The following SMARCA2 variants were observed in gnomAD, a reference collection of about 807,000 sequenced individuals.
The protein encoded by SMARCA2 is SWI/SNF related BAF chromatin remodeling complex subunit ATPase 2.
In SMARCA2, 61 loss-of-function variants were observed where a neutral mutation model predicts 199.8. That is an observed-to-expected ratio of 0.31 (90% CI 0.25 to 0.38). SMARCA2 has a LOEUF of 0.38. Among genes scored for constraint, SMARCA2 ranks in the 10% least tolerant of loss-of-function variants. The probability of loss-of-function intolerance (pLI) is 1.00; values close to 1 mark genes in which losing one functional copy is unlikely to be tolerated. For missense variants in SMARCA2, 1,344 were observed against 2,012.2 expected (o/e 0.67, Z 6.35); for synonymous variants, 935 against 732.0 (o/e 1.28, Z -4.48).
chr9:2,160,374 T>C (rs1229309118), intron 27 of SMARCA2: 1 of 533,320 alleles, frequency 1.9e-6, no homozygotes, highest in African/African-American at 1.9e-5. Flanking sequence ...TGCATGTTGC[T>C]TCTATGGATT....
chr9:2,088,736 A>G, intron 19 of SMARCA2, 123 bp downstream of exon 19: 1 of 691,952 alleles, frequency 1.4e-6, no homozygotes. Flanking sequence ...AGTATCTTGA[A>G]AATATCTTAA....
rs76219559 is a variant in SMARCA2 at position 2,104,481 on chromosome 9, A to T, written c.3292+312A>T. On this transcript the variant is annotated intron_variant, in intron 23 of 33. Transcript: ENST00000349721. This position sits in a 1 kb window ranked among gnomAD's most constrained non-coding sequence, Gnocchi z 4.0. ...TTCCTTGCTCTTAAAATTGTTACCT[A>T]TGTGCCAAAGATATAGAATACATTG... Among the ~76,000 whole-genome samples, 2 of 152,252 alleles carry T rather than the reference A, an allele frequency of 1.3e-5. No homozygotes were observed. The highest frequency in any genetic ancestry group is 4.8e-5 in the African/African-American group (2 of 41,474).
At chr9:2,028,053 A>G (rs145064635) in intron 1 of SMARCA2, among the ~76,000 whole-genome samples, 3 of 152,304 alleles carry the variant, frequency 2.0e-5, no homozygotes, top group Admixed American at 6.5e-5. Flanking sequence ...TGGGTGGTGG[A>G]ATATAGTTCT....
At chr9:2,109,689 C>T (rs1822907439) in intron 23 of SMARCA2, among the ~76,000 whole-genome samples, 1 of 151,532 alleles carries the variant, frequency 6.6e-6, no homozygotes. Context: ...AAAATTATTC[C>T]ATTTGCAAAA....
intron 23 of SMARCA2, among the ~76,000 whole-genome samples, chr9:2,105,487 C>G (rs1184363608): frequency 6.6e-6 from 1 of 151,994 alleles, no homozygotes; most frequent in Non-Finnish European, 1.5e-5. Flanking sequence ...CTCCTGACCT[C>G]AAGTGATCCA....
chr9:2,120,638 G>A (rs934002309), intron 26 of SMARCA2, among the ~76,000 whole-genome samples: 1 of 152,146 alleles, frequency 6.6e-6, no homozygotes, highest in Non-Finnish European at 1.5e-5. Flanking sequence ...TTATTTTGGG[G>A]TTTTGTGTGT....
At chr9:2,035,709 A>T (rs192017771) in intron 3 of SMARCA2, among the ~76,000 whole-genome samples, 4 of 152,330 alleles carry the variant, frequency 2.6e-5, no homozygotes, top group Admixed American at 2.6e-4. Flanking sequence ...CTCAACTTTT[A>T]TATAATTTCA....
intron 5 of SMARCA2, among the ~76,000 whole-genome samples, chr9:2,051,816 G>T (rs1166142893): frequency 6.6e-6 from 1 of 151,126 alleles, no homozygotes; most frequent in African/African-American, 2.5e-5. Flanking sequence ...AGTTGTCTCA[G>T]TTTTATTTTT....
chr9:2,077,667 A>G lies in SMARCA2; in HGVS notation c.2075A>G (p.Gln692Arg), dbSNP rs1209953387. The G allele has an allele frequency of 6.2e-7, 1 of 1,614,142 alleles. No individual in the cohort carries two copies. The highest frequency in any genetic ancestry group is 8.5e-7 in the Non-Finnish European group (1 of 1,180,002). Residue 692 changes from glutamine (Q) to arginine (R), a missense_variant, in exon 14 of 34, where the codon CAG becomes CGG. Coordinates refer to ENST00000349721, the MANE Select transcript of SMARCA2 (RefSeq NM_003070.5). ...GACGTGGATGATGAATACAGCATGCAGTACAGTGCCAGGGGCTCCCAGTCC... is the reference window on the plus strand; with the variant it reads ...GACGTGGATGATGAATACAGCATGCGGTACAGTGCCAGGGGCTCCCAGTCC... ...KQDVDDEYSM[Q>R]YSARGSQSYY...
At chr9:2,190,276 C>T (rs1220063027) in intron 32 of SMARCA2, among the ~76,000 whole-genome samples, 2 of 152,140 alleles carry the variant, frequency 1.3e-5, no homozygotes, top group African/African-American at 4.8e-5. Context: ...GACATGTCCA[C>T]CATACCTCCC....
chr9:2,017,598 A>T lies in SMARCA2; in HGVS notation c.-37+2194A>T, dbSNP rs1414531374. ...CGGCGGAGAATCAGGAAGTCACAGC[A>T]GCGAAGCGCACACAGCACACAGACA... On this transcript the variant is annotated intron_variant, in intron 1 of 33. Transcript: ENST00000349721. The surrounding 1 kb of genome is among the most constrained non-coding windows in gnomAD (Gnocchi z 8.8). 2 of 152,214 alleles carry T rather than the reference A, an allele frequency of 1.3e-5. No homozygotes were observed. The highest frequency in any genetic ancestry group is 1.5e-5 in the Non-Finnish European group (1 of 68,084). 9.4% of individuals were successfully genotyped at this position (152,214 alleles called of 1,614,324 possible).
At chr9:2,178,677 A>C (rs1460606871) in intron 29 of SMARCA2, among the ~76,000 whole-genome samples, 4 of 152,122 alleles carry the variant, frequency 2.6e-5, no homozygotes, top group African/African-American at 9.7e-5. Context: ...AATGACAAGA[A>C]TTCAGAACTG....
intron 9 of SMARCA2, among the ~76,000 whole-genome samples, chr9:2,061,681 A>G (rs182390351): frequency 1.3e-5 from 2 of 152,332 alleles, no homozygotes; most frequent in Non-Finnish European, 2.9e-5. Context: ...AGTGGTTGAT[A>G]CTGTGTGTTC....
At chr9:2,135,433 A>G (rs994708726) in intron 27 of SMARCA2, among the ~76,000 whole-genome samples, 1 of 152,236 alleles carries the variant, frequency 6.6e-6, no homozygotes, top group Non-Finnish European at 1.5e-5. Context: ...AGTCAAGTTG[A>G]CACCCAAAAT....
intron 27 of SMARCA2, among the ~76,000 whole-genome samples, chr9:2,125,943 A>C (rs765040469): frequency 7.9e-5 from 12 of 152,252 alleles, no homozygotes; most frequent in Non-Finnish European, 1.6e-4. Flanking sequence ...TATGAATCTC[A>C]GGAAGTTTTC....
At chr9:2,174,018 A>G (rs1371666982) in intron 29 of SMARCA2, among the ~76,000 whole-genome samples, 1 of 152,100 alleles carries the variant, frequency 6.6e-6, no homozygotes, top group Non-Finnish European at 1.5e-5. Context: ...ACTCTTGGTG[A>G]CTCGATACTT....
intron 25 of SMARCA2, among the ~76,000 whole-genome samples, chr9:2,116,984 G>A (rs1372402961): frequency 6.6e-6 from 1 of 152,092 alleles, no homozygotes; most frequent in Non-Finnish European, 1.5e-5. Flanking sequence ...TATAAATTAT[G>A]AACCTGAGTC....
chr9:2,024,179 A>C (rs1306485531), intron 1 of SMARCA2, among the ~76,000 whole-genome samples: 1 of 152,226 alleles, frequency 6.6e-6, no homozygotes, highest in Non-Finnish European at 1.5e-5. Flanking sequence ...AGAAACCAAA[A>C]GTTTCTAGGG....
chr9:2,022,372 A>G (rs770577533), intron 1 of SMARCA2, among the ~76,000 whole-genome samples: 2 of 152,174 alleles, frequency 1.3e-5, no homozygotes, highest in African/African-American at 2.4e-5. Context: ...TGTTATGCCT[A>G]TTTTGTAGGT....
Sources: gnomAD v4.1 joint callset for allele counts (sites outside exome capture counted in the v4.1 genomes callset) on GRCh38, gnomAD v4.1.1 for gene constraint, Gnocchi (gnomAD v3.1) non-coding constraint, MANE v1.5 for transcripts, NCBI Gene and HGNC (gene_info 2026-07-23, HGNC 2026-07-21) for gene names.